Variants in MECOM observed in about 807,000 individuals in gnomAD.
The protein encoded by MECOM is histone-lysine N-methyltransferase MECOM.
A neutral mutation model predicts 116.3 loss-of-function variants in MECOM; 13 were observed. The ratio of observed to expected loss-of-function variants is 0.11; its 90% CI spans 0.07 to 0.18. MECOM has a LOEUF of 0.18. Among genes scored for constraint, MECOM ranks in the 10% least tolerant of loss-of-function variants. MECOM has a pLI of 1.00. For synonymous variants in MECOM, 528 were observed against 535.2 expected (o/e 0.99, Z 0.19); for missense variants, 1,299 against 1,509.0 (o/e 0.86, Z 2.31).
intron 2 of MECOM, among the ~76,000 whole-genome samples, chr3:169,191,767 AAAG>A (rs1747702454): frequency 7.7e-6 from 1 of 130,242 alleles, no homozygotes; most frequent in South Asian, 2.6e-4. Flanking sequence ...AGAAAGAAAG[AAAG>A]AAAGAAAGAA....
At chr3:169,226,327 C>A (rs1266530565) in intron 2 of MECOM, among the ~76,000 whole-genome samples, 1 of 152,038 alleles carries the variant, frequency 6.6e-6, no homozygotes, top group African/African-American at 2.4e-5. Context: ...TTCCACAGGA[C>A]CTATAGTCCC....
chr3:169,281,542 G>A (rs1032294686), intron 2 of MECOM, among the ~76,000 whole-genome samples: 14 of 152,134 alleles, frequency 9.2e-5, no homozygotes, highest in Non-Finnish European at 2.1e-4. Context: ...TGGGCATTGT[G>A]GCTCATGCCT....
intron 14 of MECOM, among the ~76,000 whole-genome samples, chr3:169,090,996 T>C (rs551483681): frequency 1.3e-5 from 2 of 152,060 alleles, no homozygotes; most frequent in Non-Finnish European, 2.9e-5. Flanking sequence ...AAAACAATCT[T>C]GGATGTGACA....
intron 1 of MECOM, chr3:169,447,855 C>T (rs1744913402): frequency 6.6e-6 from 1 of 152,196 alleles, no homozygotes; most frequent in Non-Finnish European, 1.5e-5. Flanking sequence ...CAAATGTGAC[C>T]TACAAATGAA....
intron 2 of MECOM, among the ~76,000 whole-genome samples, chr3:169,210,187 G>C (rs1204793367): frequency 6.6e-6 from 1 of 152,066 alleles, no homozygotes; most frequent in Non-Finnish European, 1.5e-5. Context: ...AGTCGGGAGT[G>C]GGGGTGAGGG....
At chr3:169,153,634 C>A (rs1741504217) in intron 2 of MECOM, among the ~76,000 whole-genome samples, 2 of 152,280 alleles carry the variant, frequency 1.3e-5, no homozygotes, top group Non-Finnish European at 2.9e-5. Flanking sequence ...GCTTTAGATA[C>A]ACCATCTAAG....
chr3:169,649,698 G>A (rs1237299998), intron 1 of MECOM, among the ~76,000 whole-genome samples: 1 of 152,126 alleles, frequency 6.6e-6, no homozygotes, highest in African/African-American at 2.4e-5. Context: ...TTTGAAAAAT[G>A]TTAATAGAGT....
intron 2 of MECOM, among the ~76,000 whole-genome samples, chr3:169,289,047 T>A (rs1458714185): frequency 5.3e-5 from 8 of 152,238 alleles, no homozygotes; most frequent in Admixed American, 3.3e-4. Flanking sequence ...AGTACAGTTC[T>A]ATAAACTCAC....
intron 2 of MECOM, among the ~76,000 whole-genome samples, chr3:169,229,176 G>A (rs1753089870): frequency 6.6e-6 from 1 of 152,116 alleles, no homozygotes; most frequent in Non-Finnish European, 1.5e-5. Context: ...GTAAAGAAAA[G>A]GCCAACCTTA....
rs542242696 is a variant in MECOM, at chr3:169,417,095, A to G, written c.38-35571T>C. ...CCAAAAGCAATGGCAACAAAAGCCA[A>G]AATTGACAAATGGGATCTAACTAAA... On this transcript the variant is annotated intron_variant, in intron 1 of 16. Coordinates refer to ENST00000651503, the MANE Select transcript of MECOM (RefSeq NM_004991.4). Among the ~76,000 whole-genome samples, 5 of 151,920 alleles carry G rather than the reference A, an allele frequency of 3.3e-5. No homozygotes were observed. In the South Asian group the frequency reaches 1.0e-3, roughly 32 times the overall value.
At chr3:169,468,228 T>C (rs1748634278) in intron 1 of MECOM, among the ~76,000 whole-genome samples, 1 of 152,108 alleles carries the variant, frequency 6.6e-6, no homozygotes, top group African/African-American at 2.4e-5. Context: ...CATGCCCTGA[T>C]TCCTCATTTC....
rs1560174763 is a variant in MECOM at position 169,112,817 on chromosome 3, C to G, written c.2547G>C (p.Arg849Ser). The G allele has an allele frequency of 6.2e-7, 1 of 1,613,042 alleles. No homozygotes were observed. The highest frequency in any genetic ancestry group is 8.5e-7 in the Non-Finnish European group (1 of 1,179,386). ...PLEALKEKYL[R>S]PSPGFLFHPQ... Reference sequence around the variant, plus strand: ...GGTGAAACAAGAATCCTGGAGAAGGCCTCAAGTATTTCTCTTTTAAAGCTT... The same window carrying G: ...GGTGAAACAAGAATCCTGGAGAAGGGCTCAAGTATTTCTCTTTTAAAGCTT... Residue 849 changes from arginine to serine, a missense_variant, in exon 9 of 17, where the codon AGG becomes AGC. By Grantham distance (110) the Arg-to-Ser change is moderately radical. Around this residue, in one of 6 missense-constraint regions of MECOM, gnomAD observed 340 missense variants for 312.6 expected, o/e 1.09. Coordinates refer to ENST00000651503, the MANE Select transcript of MECOM (RefSeq NM_004991.4).
chr3:169,116,303 TTTG>T lies in MECOM; in HGVS notation c.1566_1568del (p.Asn522del). ...GATGTGTCATGAGGGGACTTTGACTTTTGTTTGTCTGTTCAGTACTTGATAGTC... is the reference window on the plus strand; with the variant it reads ...GATGTGTCATGAGGGGACTTTGACTTTTTGTCTGTTCAGTACTTGATAGTC... On this transcript the variant is annotated inframe_deletion, in exon 8 of 17. Transcript: ENST00000651503. 1 of 1,614,212 alleles carries T rather than the reference TTTG, an allele frequency of 6.2e-7. No homozygotes were observed. Among genetic ancestry groups the T allele is most frequent in the Non-Finnish European group, 8.5e-7 (1 of 1,180,038 alleles).
intron 2 of MECOM, among the ~76,000 whole-genome samples, chr3:169,157,590 A>G (rs371124609): frequency 3.9e-5 from 6 of 152,348 alleles, no homozygotes; most frequent in African/African-American, 1.4e-4. Flanking sequence ...AAATATGGAC[A>G]TTGATTTCAA....
At chr3:169,455,809 T>C (rs1359592814) in intron 1 of MECOM, among the ~76,000 whole-genome samples, 1 of 152,156 alleles carries the variant, frequency 6.6e-6, no homozygotes, top group Non-Finnish European at 1.5e-5. Context: ...CACCAGCCAC[T>C]TCCAAACCAC....
Position 169,143,728 on chromosome 3 carries a change from G to A in MECOM, c.480C>T (p.His160=). 2 of 1,610,390 alleles carry A rather than the reference G, an allele frequency of 1.2e-6. No individual in the cohort carries two copies. Among genetic ancestry groups the A allele is most frequent in the Non-Finnish European group, 1.7e-6 (2 of 1,178,374 alleles). The change falls in exon 3 of 17, where the codon CAC becomes CAT. Residue 160 remains histidine (H), a synonymous_variant. Transcript: ENST00000651503. ...YIRFAGCYDQ[H]NLVACQINDQ... is the part of the protein sequence containing the mutation. ...CATTTATCTGGCATGCAACAAGGTT[G>A]TGCTGATCATAACAGCCAGCGAATC...
chr3:169,234,437 G>C (rs886417334), intron 2 of MECOM, among the ~76,000 whole-genome samples: 1 of 150,808 alleles, frequency 6.6e-6, no homozygotes, highest in African/African-American at 2.4e-5. Context: ...GAAGACTAGA[G>C]ATAAGGGAGA....
chr3:169,592,020 A>G (rs1446220685), intron 1 of MECOM, among the ~76,000 whole-genome samples: 1 of 152,200 alleles, frequency 6.6e-6, no homozygotes, highest in Non-Finnish European at 1.5e-5. Flanking sequence ...TTACACTTTC[A>G]GAAGGAGAGA....
At chr3:169,415,723 T>C (rs1480456196) in intron 1 of MECOM, among the ~76,000 whole-genome samples, 12 of 150,184 alleles carry the variant, frequency 8.0e-5, no homozygotes, top group Admixed American at 6.6e-4. Flanking sequence ...AAAGCATGGG[T>C]TGCAATCCTA....
Sources: gnomAD v4.1 joint callset for allele counts (sites outside exome capture counted in the v4.1 genomes callset) on GRCh38, gnomAD v4.1.1 for gene constraint, gnomAD v4.1.1 regional missense constraint, MANE v1.5 for transcripts, NCBI Gene and HGNC (gene_info 2026-07-23, HGNC 2026-07-21) for gene names.